The following ZNF841 variants were observed in gnomAD, a reference collection of about 807,000 sequenced individuals.
ZNF841 encodes the protein zinc finger protein 841.
Under a neutral mutation model 13.0 loss-of-function variants are expected in ZNF841, and 11 were observed. That is an observed-to-expected ratio of 0.85 (90% CI 0.53 to 1.40). The LOEUF (loss-of-function observed/expected upper bound fraction) is 1.40. Ranked by LOEUF, ZNF841 falls within the 40% of genes most tolerant of loss-of-function variation. The pLI, the probability that ZNF841 is intolerant of heterozygous loss-of-function variation, is 0.00. For missense variants in ZNF841, 1,068 were observed against 1,139.5 expected (o/e 0.94, Z 0.90); for synonymous variants, 369 against 381.6 (o/e 0.97, Z 0.38).
intron 1 of ZNF841, among the ~76,000 whole-genome samples, chr19:52,094,572 CCT>C (rs2088610777): frequency 6.6e-6 from 1 of 152,024 alleles, no homozygotes; most frequent in South Asian, 2.1e-4. Flanking sequence ...ATCTAAGCTC[CCT>C]CTCTGCTCTC....
intron 4 of ZNF841, among the ~76,000 whole-genome samples, chr19:52,077,505 C>A (rs899841030): frequency 6.6e-6 from 1 of 152,314 alleles, no homozygotes; most frequent in Non-Finnish European, 1.5e-5. Flanking sequence ...AGTTTTGGAA[C>A]ACTCCCCATG....
intron 2 of ZNF841, among the ~76,000 whole-genome samples, chr19:52,090,891 C>A (rs570867242): frequency 6.6e-6 from 1 of 152,032 alleles, no homozygotes; most frequent in Non-Finnish European, 1.5e-5. Flanking sequence ...TACTCCCTGG[C>A]ACCATGCTCC....
chr19:52,066,586 A>C lies in ZNF841; in HGVS notation c.1296T>G (p.Asp432Glu). 6.2e-7 allele frequency: 1 copy of C among 1,613,770 alleles called. No homozygotes were observed. The highest frequency in any genetic ancestry group is 8.5e-7 in the Non-Finnish European group (1 of 1,179,836). Residue 432 changes from aspartate (D) to glutamate (E), a missense_variant, in exon 7 of 7, where the codon GAT (aspartate) becomes GAG (glutamate). Asp to Glu is a conservative substitution (Grantham distance 45). Coordinates refer to ENST00000594440, the MANE Select transcript of ZNF841 (RefSeq NM_001136499.2). Reference sequence around the variant, plus strand: ...TCTGATAAAAGACCTTGCCACATACATCACATGTATATGGTTTCTTTCCTG... The same window carrying C: ...TCTGATAAAAGACCTTGCCACATACCTCACATGTATATGGTTTCTTTCCTG... ...IHAGKKPYTC[D>E]VCGKVFYQNS...
At chr19:52,094,468 C>T (rs888793121) in intron 1 of ZNF841, among the ~76,000 whole-genome samples, 8 of 152,104 alleles carry the variant, frequency 5.3e-5, no homozygotes, top group South Asian at 2.1e-4. Flanking sequence ...CTGTTCTGCC[C>T]AATGCTCTGC....
intron 2 of ZNF841, among the ~76,000 whole-genome samples, chr19:52,092,316 T>C (rs1225338962): frequency 6.6e-6 from 1 of 152,062 alleles, no homozygotes; most frequent in Non-Finnish European, 1.5e-5. Context: ...CCCCAAATAA[T>C]CTCAATAAAA....
At chr19:52,079,063 CATTTACTTATTTACTTA>C (rs2088006053) in intron 4 of ZNF841, among the ~76,000 whole-genome samples, 1 of 47,960 alleles carries the variant, frequency 2.1e-5, no homozygotes, top group East Asian at 7.8e-4. Flanking sequence ...CTTAGTACTT[CATTTACTTATTTACTTA>C]GTACTTCATT....
At chr19:52,059,390 T>TATACACAC in the ZNF841 span, among the ~76,000 whole-genome samples, 3 of 96,360 alleles carry the variant, frequency 3.1e-5, no homozygotes, top group South Asian at 5.1e-4. Context: ...TATATATATA[T>TATACACAC]ACACACACAC....
intron 3 of ZNF841, among the ~76,000 whole-genome samples, chr19:52,086,286 G>T (rs1164767564): frequency 6.6e-6 from 1 of 152,142 alleles, no homozygotes; most frequent in Non-Finnish European, 1.5e-5. Context: ...GGGTGGATTT[G>T]TGATGAATGG....
chr19:52,085,079 C>T (rs559004628), intron 3 of ZNF841, among the ~76,000 whole-genome samples: 3 of 152,062 alleles, frequency 2.0e-5, no homozygotes, highest in African/African-American at 7.2e-5. Flanking sequence ...CCAGAGAAGC[C>T]CCCACACACC....
rs117617163 is a variant in ZNF841, at chr19:52,076,812, G to A, written c.142+146C>T. Reference sequence around the variant, plus strand: ...ATAGAAATGGGACAGTTAAAGGCCAGATGCAGCATTATGAAGCTTTTTATT... The same window carrying A: ...ATAGAAATGGGACAGTTAAAGGCCAAATGCAGCATTATGAAGCTTTTTATT... On this transcript the variant is annotated intron_variant, in intron 5 of 6. Transcript: ENST00000594440. 7.4e-3 allele frequency: 7,012 copies of A among 943,732 alleles called. 89 individuals carry two copies. The highest frequency in any genetic ancestry group is 6.4e-3 in the Non-Finnish European group (4,123 of 644,482). The allele number at this position is 943,732 out of a possible 1,614,324, so 58.5% of individuals were successfully genotyped here. A position where few individuals can be genotyped will look rare whatever the true frequency, so the allele number is the denominator to read the frequency against.
downstream of ZNF841, among the ~76,000 whole-genome samples, chr19:52,061,826 G>A (rs556347367): frequency 3.9e-5 from 6 of 152,232 alleles, no homozygotes; most frequent in Non-Finnish European, 5.9e-5. Context: ...GATTACAGGC[G>A]TGAGCCACCG....
intron 4 of ZNF841, among the ~76,000 whole-genome samples, chr19:52,083,643 T>C (rs2088172202): frequency 6.6e-6 from 1 of 152,134 alleles, no homozygotes; most frequent in African/African-American, 2.4e-5. Flanking sequence ...TTTTTAAATA[T>C]ATATGCCTTG....
At chr19:52,086,744 G>C (rs1040639317) in intron 3 of ZNF841, among the ~76,000 whole-genome samples, 6 of 152,320 alleles carry the variant, frequency 3.9e-5, no homozygotes, top group South Asian at 2.1e-4. Context: ...GAAATGGTCA[G>C]GGAGGTGACA....
At chr19:52,094,047 C>G (rs574315279) in intron 1 of ZNF841, 76 bp from the exon 2 acceptor site, 1 of 152,240 alleles carries the variant, frequency 6.6e-6, no homozygotes, top group African/African-American at 2.4e-5. Flanking sequence ...AAAGACATAT[C>G]TTGTAGTGAC....
At position 52,066,551 on chromosome 19, in the gene ZNF841, A is replaced by C; in HGVS notation, c.1331T>G (p.Leu444Arg). ...AGTATGAATTATCTGGTGCCTTACA[A>C]GTTGTGAATTCTGATAAAAGACCTT... ...CGKVFYQNSQLVRHQIIHTGE... is the reference protein window; with the variant it reads ...CGKVFYQNSQRVRHQIIHTGE... The change falls in exon 7 of 7, where the codon CTT becomes CGT. Residue 444 changes from leucine to arginine, a missense_variant. By Grantham distance (102) the Leu-to-Arg change is moderately radical. Transcript: ENST00000594440. 1 of 1,613,720 alleles carries C rather than the reference A, an allele frequency of 6.2e-7. No homozygotes were observed. Among genetic ancestry groups the C allele is most frequent in the South Asian group, 1.1e-5 (1 of 91,050 alleles).
At chr19:52,083,664 T>C (rs972535769) in intron 4 of ZNF841, among the ~76,000 whole-genome samples, 6 of 152,122 alleles carry the variant, frequency 3.9e-5, no homozygotes, top group Non-Finnish European at 5.9e-5. Flanking sequence ...ATGTTCTTTT[T>C]TTAGGTTATG....
At chr19:52,087,938 A>G (rs1048365313) in intron 3 of ZNF841, among the ~76,000 whole-genome samples, 5 of 151,838 alleles carry the variant, frequency 3.3e-5, no homozygotes, top group African/African-American at 4.8e-5. Context: ...ACATGCCCCA[A>G]TGAGACCCCA....
rs777224731 is a variant in ZNF841, at chr19:52,067,568, T to C, written c.314A>G (p.Gln105Arg). Reference protein sequence around the residue: ...KCVIKELPPIQNSNTGEKFQA... With the variant: ...KCVIKELPPIRNSNTGEKFQA... ...GAATTTTTCTCCTGTGTTACTGTTC[T>C]GTATTGGTGGTAATTCCTTGATCAC... is the stretch of plus-strand genomic sequence containing the variant. The change falls in exon 7 of 7, where the codon CAG (glutamine) becomes CGG (arginine). Residue 105 changes from glutamine to arginine, a missense_variant. Gln to Arg is a conservative substitution (Grantham distance 43, BLOSUM62 1). Transcript: ENST00000594440. 1.9e-6 allele frequency: 3 copies of C among 1,581,448 alleles called. No individual in the cohort carries two copies. The highest frequency in any genetic ancestry group is 2.6e-6 in the Non-Finnish European group (3 of 1,167,388).
chr19:52,093,247 G>C (rs762093215), intron 2 of ZNF841, among the ~76,000 whole-genome samples: 1 of 152,172 alleles, frequency 6.6e-6, no homozygotes, highest in Non-Finnish European at 1.5e-5. Context: ...CATATACAGA[G>C]TGTTCATGTG....
Sources: gnomAD v4.1 joint callset for allele counts (sites outside exome capture counted in the v4.1 genomes callset) on GRCh38, gnomAD v4.1.1 for gene constraint, MANE v1.5 for transcripts, NCBI Gene and HGNC (gene_info 2026-07-23, HGNC 2026-07-21) for gene names.